Variants in FBXL13 observed in about 807,000 individuals in gnomAD.
FBXL13 encodes F-box and leucine rich repeat protein 13.
A neutral mutation model predicts 83.6 loss-of-function variants in FBXL13; 67 were observed. The observed-to-expected ratio is 0.80, with a 90% confidence interval of 0.66 to 0.98. The LOEUF (loss-of-function observed/expected upper bound fraction) is 0.98, where lower values mean the gene tolerates loss of function less well. Ranked by LOEUF, FBXL13 falls within the 50% of genes least tolerant of loss-of-function variation. FBXL13 has a pLI of 0.00. For synonymous variants in FBXL13, 272 were observed against 299.5 expected, an observed-to-expected ratio of 0.91 and a Z score of 0.95; for missense variants, 822 against 866.5, an observed-to-expected ratio of 0.95 and a Z score of 0.64.
In FBXL13 at chr7:102,898,923, T is replaced by A. The variant is rs192751278; in HGVS notation, c.1008+14163A>T. Among the ~76,000 whole-genome samples, 267 of 152,244 alleles carry A rather than the reference T, an allele frequency of 1.8e-3. 1 individual carries two copies. Among genetic ancestry groups the A allele is most frequent in the African/African-American group, 6.1e-3 (254 of 41,552 alleles). Reference sequence around the variant, plus strand: ...TTATTTAATTTAATTTAATTAATTATTTATTTATTTTGAGACAGAGTCTCA... The same window carrying A: ...TTATTTAATTTAATTTAATTAATTAATTATTTATTTTGAGACAGAGTCTCA... On this transcript the variant is annotated intron_variant, in intron 11 of 19. Coordinates refer to ENST00000313221, the Ensembl canonical transcript of FBXL13.
intron 8 of FBXL13, among the ~76,000 whole-genome samples, chr7:102,949,306 T>C (rs1823041708): frequency 2.0e-5 from 3 of 152,096 alleles, no homozygotes; most frequent in Admixed American, 6.5e-5. Context: ...AGGGTACATG[T>C]ATAGGTTTGT....
chr7:102,997,549 A>T (rs1789936099), intron 6 of FBXL13, among the ~76,000 whole-genome samples: 1 of 152,118 alleles, frequency 6.6e-6, no homozygotes. Context: ...GTTCCCATTA[A>T]CTAACCACTC....
At chr7:102,892,226 A>T (rs1442747271) in intron 11 of FBXL13, among the ~76,000 whole-genome samples, 1 of 152,224 alleles carries the variant, frequency 6.6e-6, no homozygotes, top group Non-Finnish European at 1.5e-5. Context: ...ATTCTTCAAG[A>T]TCTAAAAATT....
At chr7:103,033,610 T>A (rs1794755967) in intron 2 of FBXL13, among the ~76,000 whole-genome samples, 1 of 152,100 alleles carries the variant, frequency 6.6e-6, no homozygotes, top group South Asian at 2.1e-4. Flanking sequence ...CGTCTGGAGT[T>A]GTTCGTTCCT....
chr7:103,057,503 G>GA (rs2129497071), intron 1 of FBXL13, among the ~76,000 whole-genome samples: 1 of 152,232 alleles, frequency 6.6e-6, no homozygotes, highest in South Asian at 2.1e-4. Flanking sequence ...AAGAGATTGA[G>GA]AAAATCCACC....
chr7:102,833,416 T>G (rs1801076386), intron 17 of FBXL13, among the ~76,000 whole-genome samples: 1 of 151,702 alleles, frequency 6.6e-6, no homozygotes. Flanking sequence ...AGCAAGTTAC[T>G]ATCTTTCTGA....
At position 102,939,430 on chromosome 7, in the gene FBXL13, A is replaced by G. The variant is rs1411783381; in HGVS notation, c.725-7497T>C. 3.8e-6 allele frequency: 6 copies of G among 1,599,998 alleles called. No homozygotes were observed. The highest frequency in any genetic ancestry group is 1.1e-5 in the South Asian group (1 of 89,156). On this transcript the variant is annotated intron_variant, in intron 8 of 19. Transcript: ENST00000313221. ...ACGTAAATATTATTAAATTTTCCAG[A>G]GTTGAAAAAAGTGCCAAACAACATC... is the stretch of plus-strand genomic sequence containing the variant.
Position 102,827,776 on chromosome 7 carries a change from G to C in FBXL13, c.1854+5064C>G, listed in dbSNP as rs568840357. On this transcript the variant is annotated intron_variant, in intron 18 of 19. Coordinates refer to ENST00000313221, the Ensembl canonical transcript of FBXL13. The stretch of plus-strand genomic sequence containing the variant: ...CCACCTATGAGTGAGAACATGCAGT[G>C]TTTGGTTTTTTGTCCTTGCGATAGT... 1.6e-3 allele frequency among the ~76,000 whole-genome samples: 246 copies of C among 152,138 alleles called. 1 individual carries two copies. The highest frequency in any genetic ancestry group is 5.5e-3 in the African/African-American group (227 of 41,502).
At position 102,939,815 on chromosome 7, in the gene FBXL13, T is replaced by C. The variant is rs148330568; in HGVS notation, c.725-7882A>G. On this transcript the variant is annotated intron_variant, in intron 8 of 19. Transcript: ENST00000313221. Reference sequence around the variant, plus strand: ...AATACCACATATTACTACCATTTAATTCAGTTAGCCCAAATAGTGTGTTAT... The same window carrying C: ...AATACCACATATTACTACCATTTAACTCAGTTAGCCCAAATAGTGTGTTAT... 1.0e-3 allele frequency among the ~76,000 whole-genome samples: 158 copies of C among 152,340 alleles called. No homozygotes were observed. In the Middle Eastern group the frequency reaches 0.017, roughly 17 times the overall value.
chr7:103,028,629 TA>T lies in FBXL13; in HGVS notation c.187del (p.Tyr63IlefsTer25). ...AAGTTTTTCTTTCTGGTCTTCCATA[TA>T]AGAGTGCCAGTGATGAAATACAGAT... On this transcript the variant is annotated frameshift_variant, in exon 4 of 20. Transcript: ENST00000313221. LOFTEE classifies it high-confidence loss of function. 1 of 1,594,286 alleles carries T rather than the reference TA, an allele frequency of 6.3e-7. No homozygotes were observed. The highest frequency in any genetic ancestry group is 8.5e-7 in the Non-Finnish European group (1 of 1,171,418).
intron 5 of FBXL13, 138 bp downstream of exon 6, chr7:103,027,310 TA>T (rs563318307): frequency 1.1e-4 from 65 of 579,564 alleles, no homozygotes; most frequent in Non-Finnish European, 1.5e-4. Flanking sequence ...AAAATAAAAA[TA>T]AAAAAAAACA....
chr7:102,840,728 T>TG (rs984090318), intron 17 of FBXL13, among the ~76,000 whole-genome samples: 112 of 152,152 alleles, frequency 7.4e-4, no homozygotes, highest in African/African-American at 2.6e-3. Flanking sequence ...ACCAGTCTAG[T>TG]GGAAAAAAAG....
At chr7:102,964,994 G>C (rs567283884) in intron 7 of FBXL13, among the ~76,000 whole-genome samples, 1 of 152,272 alleles carries the variant, frequency 6.6e-6, no homozygotes, top group Non-Finnish European at 1.5e-5. Context: ...CAAGTATGCT[G>C]CTCTCTGATT....
intron 11 of FBXL13, among the ~76,000 whole-genome samples, chr7:102,887,692 T>C (rs972145607): frequency 7.2e-5 from 11 of 152,168 alleles, no homozygotes; most frequent in South Asian, 2.1e-4. Flanking sequence ...ACCCACATTA[T>C]AGAGGGGAGT....
chr7:103,020,485 C>T (rs1382876113), intron 6 of FBXL13, among the ~76,000 whole-genome samples: 2 of 152,080 alleles, frequency 1.3e-5, no homozygotes, highest in Non-Finnish European at 2.9e-5. Flanking sequence ...GGCAATCAGG[C>T]AAGAGAAAGA....
chr7:102,915,781 T>C (rs982495437), intron 10 of FBXL13, among the ~76,000 whole-genome samples: 3 of 152,216 alleles, frequency 2.0e-5, no homozygotes, highest in Non-Finnish European at 4.4e-5. Context: ...TTTATTAACA[T>C]ATTAAGTAAG....
At chr7:102,951,704 G>A (rs980310313) in intron 8 of FBXL13, among the ~76,000 whole-genome samples, 9 of 150,816 alleles carry the variant, frequency 6.0e-5, no homozygotes, top group Non-Finnish European at 1.0e-4. Flanking sequence ...CTACTTAGGT[G>A]GGAGGTGGGA....
At chr7:102,895,385 C>A (rs1812129147) in intron 11 of FBXL13, among the ~76,000 whole-genome samples, 1 of 152,176 alleles carries the variant, frequency 6.6e-6, no homozygotes, top group South Asian at 2.1e-4. Context: ...GAAGCAGAAA[C>A]CCCTATGGCA....
At chr7:102,887,404 T>TATAC (rs1238427022) in intron 11 of FBXL13, among the ~76,000 whole-genome samples, 60 of 144,350 alleles carry the variant, frequency 4.2e-4, no homozygotes, top group African/African-American at 1.5e-3. Context: ...TCCAAGTATA[T>TATAC]ATACATACAT....
Sources: allele counts gnomAD v4.1 joint callset (sites outside exome capture counted in the v4.1 genomes callset), GRCh38; gene constraint gnomAD v4.1.1; transcripts MANE v1.5; gene names NCBI Gene and HGNC (gene_info 2026-07-23, HGNC 2026-07-21).